Variants in ADARB2 observed in about 807,000 individuals in gnomAD.
ADARB2 encodes adenosine deaminase RNA specific B2 (inactive).
ADARB2 carries 25 observed loss-of-function variants against 62.2 expected under a neutral mutation model. That is an observed-to-expected ratio of 0.40 (90% CI 0.29 to 0.56). ADARB2 has a LOEUF of 0.56. Ranked by LOEUF, ADARB2 falls within the 20% of genes least tolerant of loss-of-function variation. The pLI is 0.43. For synonymous variants in ADARB2, 572 were observed against 500.8 expected (o/e 1.14, Z -1.90); for missense variants, 1,071 against 1,077.4 (o/e 0.99, Z 0.08).
At chr10:1,301,486 T>G (rs1447479863) in intron 3 of ADARB2, among the ~76,000 whole-genome samples, 1 of 152,220 alleles carries the variant, frequency 6.6e-6, no homozygotes, top group Non-Finnish European at 1.5e-5. Flanking sequence ...TGAATATCAA[T>G]CAATGCCCAA....
rs143385493 is a variant in ADARB2, at chr10:1,348,393, C to T, written c.1077+14635G>A. On this transcript the variant is annotated intron_variant, in intron 3 of 9. Transcript: ENST00000381312. ...TCTGAGCCTACAGGTCTTGCTGCTG[C>T]TGCCACTCCTGGGCTGTCAGGCGAC... Among the ~76,000 whole-genome samples, 1,476 of 152,280 alleles carry T rather than the reference C, an allele frequency of 9.7e-3. 15 individuals carry two copies. Among genetic ancestry groups the T allele is most frequent in the African/African-American group, 0.024 (982 of 41,568 alleles).
chr10:1,263,882 A>G (rs1831168380), intron 4 of ADARB2, among the ~76,000 whole-genome samples: 1 of 152,120 alleles, frequency 6.6e-6, no homozygotes. Context: ...CCAGTCATTG[A>G]TTTTCTTTTC....
chr10:1,633,549 CATCTATCTATCT>C (rs57536419), intron 1 of ADARB2, among the ~76,000 whole-genome samples: 1,499 of 101,680 alleles, frequency 0.015, 10 homozygotes, highest in African/African-American at 0.024. Context: ...GTCTATCTAT[CATCTATCTATCT>C]ATCTATCTAT....
At position 1,465,514 on chromosome 10, in the gene ADARB2, G is replaced by A. The variant is rs117752760; in HGVS notation, c.101-86354C>T. Among the ~76,000 whole-genome samples the A allele has an allele frequency of 7.6e-3, 1,154 of 152,334 alleles. 27 individuals are homozygous for A. The highest frequency in any genetic ancestry group is 0.046 in the Admixed American group (711 of 15,296). The stretch of plus-strand genomic sequence containing the variant: ...TGTGTCCTTGGGGACCGTGACGACC[G>A]CAGTGCCGACACAGTGAGCCCCAGA... On this transcript the variant is annotated intron_variant, in intron 1 of 9. Coordinates refer to ENST00000381312, the MANE Select transcript of ADARB2 (RefSeq NM_018702.4).
intron 1 of ADARB2, among the ~76,000 whole-genome samples, chr10:1,603,415 G>T (rs1483537425): frequency 2.0e-5 from 3 of 152,168 alleles, no homozygotes; most frequent in Non-Finnish European, 2.9e-5. Flanking sequence ...AGTAGGGCCA[G>T]CCCTGCTACC....
chr10:1,254,100 G>A (rs1831059635), intron 4 of ADARB2, among the ~76,000 whole-genome samples: 1 of 151,704 alleles, frequency 6.6e-6, no homozygotes. Flanking sequence ...TCTCTGGTTA[G>A]GATGCAGTTG....
intron 1 of ADARB2, among the ~76,000 whole-genome samples, chr10:1,706,434 G>A (rs1334193611): frequency 1.3e-5 from 2 of 152,210 alleles, no homozygotes. Flanking sequence ...CCTGTGGGCT[G>A]GCCTTTGTCC....
At chr10:1,591,719 T>C (rs2132008192) in intron 1 of ADARB2, among the ~76,000 whole-genome samples, 1 of 152,194 alleles carries the variant, frequency 6.6e-6, no homozygotes, top group South Asian at 2.1e-4. Context: ...CGCCGTCTTG[T>C]TGGACGAGGT....
intron 1 of ADARB2, among the ~76,000 whole-genome samples, chr10:1,392,575 C>T (rs372081992): frequency 7.2e-5 from 11 of 152,178 alleles, no homozygotes; most frequent in Non-Finnish European, 1.0e-4. Context: ...ACATTGCAGA[C>T]GAAAGGCAAG....
At chr10:1,631,872 AACAAC>A (rs1342565350) in intron 1 of ADARB2, among the ~76,000 whole-genome samples, 2 of 152,232 alleles carry the variant, frequency 1.3e-5, no homozygotes, top group Non-Finnish European at 2.9e-5. Flanking sequence ...AGAAATTCTA[AACAAC>A]AACTTTTCTC....
At chr10:1,404,459 T>C (rs1173948568) in intron 1 of ADARB2, among the ~76,000 whole-genome samples, 1 of 152,234 alleles carries the variant, frequency 6.6e-6, no homozygotes, top group African/African-American at 2.4e-5. Flanking sequence ...AGGGAGACGC[T>C]GCGTGGTGAT....
At chr10:1,268,665 GTTTGTA>G (rs1831230415) in intron 4 of ADARB2, among the ~76,000 whole-genome samples, 1 of 151,706 alleles carries the variant, frequency 6.6e-6, no homozygotes, top group South Asian at 2.1e-4. Context: ...ATCTAAAAAT[GTTTGTA>G]TTAGTAATTT....
intron 1 of ADARB2, among the ~76,000 whole-genome samples, chr10:1,578,026 C>G (rs777711594): frequency 3.3e-5 from 5 of 152,202 alleles, no homozygotes; most frequent in Non-Finnish European, 7.3e-5. Context: ...ACTCCAGCCT[C>G]CAGGACTGTG....
intron 1 of ADARB2, among the ~76,000 whole-genome samples, chr10:1,391,097 C>A (rs1353802531): frequency 6.6e-6 from 1 of 152,176 alleles, no homozygotes; most frequent in Non-Finnish European, 1.5e-5. Context: ...TTTGTCTGTT[C>A]TTTTCAGCCT....
At chr10:1,249,616 GCACACACACA>G (rs58472524) in intron 4 of ADARB2, among the ~76,000 whole-genome samples, 121 of 147,450 alleles carry the variant, frequency 8.2e-4, no homozygotes, top group Non-Finnish European at 8.3e-4. Context: ...GTGATTTTAT[GCACACACACA>G]CACACACACA....
intron 2 of ADARB2, among the ~76,000 whole-genome samples, chr10:1,367,046 C>T (rs758497052): frequency 5.1e-4 from 78 of 152,206 alleles, no homozygotes; most frequent in Non-Finnish European, 1.0e-3. Flanking sequence ...CAGCCCCACG[C>T]TCCCCGCCCC....
At chr10:1,268,496 C>G (rs1831228865) in intron 4 of ADARB2, among the ~76,000 whole-genome samples, 1 of 152,124 alleles carries the variant, frequency 6.6e-6, no homozygotes, top group East Asian at 1.9e-4. Context: ...AGGGGCAAAT[C>G]AAATTGTGTT....
intron 1 of ADARB2, among the ~76,000 whole-genome samples, chr10:1,626,475 G>A (rs1404532928): frequency 6.6e-6 from 1 of 152,122 alleles, no homozygotes; most frequent in African/African-American, 2.4e-5. Flanking sequence ...CTTGAACTCC[G>A]GGGCTTCCTC....
chr10:1,232,358 T>C (rs1197378112), intron 6 of ADARB2, among the ~76,000 whole-genome samples: 2 of 152,118 alleles, frequency 1.3e-5, no homozygotes, highest in Non-Finnish European at 2.9e-5. Flanking sequence ...GTGTGGTGTG[T>C]GTGGTCTGTG....
Sources: gnomAD v4.1 joint callset for allele counts (sites outside exome capture counted in the v4.1 genomes callset) on GRCh38, gnomAD v4.1.1 for gene constraint, MANE v1.5 for transcripts, NCBI Gene and HGNC (gene_info 2026-07-23, HGNC 2026-07-21) for gene names.